The following FBXW11 variants were observed in gnomAD, a reference collection of about 807,000 sequenced individuals.
FBXW11 encodes the protein F-box/WD repeat-containing protein 11.
Under a neutral mutation model 77.6 loss-of-function variants are expected in FBXW11, and 19 were observed. The observed-to-expected ratio is 0.24, with a 90% CI of 0.17 to 0.36. FBXW11 has a LOEUF of 0.36. Ranked by LOEUF, FBXW11 falls within the 10% of genes least tolerant of loss-of-function variation. The probability of loss-of-function intolerance (pLI) is 1.00; values close to 1 mark genes in which losing one functional copy is unlikely to be tolerated. For synonymous variants in FBXW11, 235 were observed against 249.4 expected, an observed-to-expected ratio of 0.94 and a Z score of 0.54; for missense variants, 334 against 704.2, an observed-to-expected ratio of 0.47 and a Z score of 5.95.
chr5:171,875,850 G>A (rs1312206872), intron 9 of FBXW11, among the ~76,000 whole-genome samples: 2 of 152,020 alleles, frequency 1.3e-5, no homozygotes, highest in East Asian at 3.9e-4. Context: ...CTCAAAATTA[G>A]GTGAATAAAT....
chr5:171,877,945 G>T, intron 8 of FBXW11, 66 bp downstream of exon 8: 2 of 1,125,720 alleles, frequency 1.8e-6, no homozygotes, highest in Non-Finnish European at 2.7e-6. Flanking sequence ...CCCAGAGGAG[G>T]ATGTCAATCT....
At chr5:171,959,316 GAATAAAATAATGA>G (rs1389645794) in intron 1 of FBXW11, among the ~76,000 whole-genome samples, 1 of 151,880 alleles carries the variant, frequency 6.6e-6, no homozygotes, top group African/African-American at 2.4e-5. Context: ...AGAAGGTGCT[GAATAAAATAATGA>G]AATAAAATAA....
At chr5:171,870,076 G>A (rs765829689) in intron 11 of FBXW11, among the ~76,000 whole-genome samples, 3 of 152,080 alleles carry the variant, frequency 2.0e-5, no homozygotes, top group Admixed American at 6.6e-5. Context: ...ATTCAGTTCC[G>A]GACTTGATAA....
Position 172,006,444 on chromosome 5 carries a change from C to T in FBXW11, c.45+14G>A, listed in dbSNP as rs201538655. 8,945 of 1,543,876 alleles carry T rather than the reference C, an allele frequency of 5.8e-3. 35 individuals are homozygous for T. Among genetic ancestry groups the T allele is most frequent in the Non-Finnish European group, 6.5e-3 (7,457 of 1,144,814 alleles). On this transcript the variant is annotated intron_variant, in intron 1 of 13. Coordinates refer to ENST00000517395, the MANE Select transcript of FBXW11 (RefSeq NM_001378974.1). ...ACGGACGGAAGCACAGACGGTCCAG[C>T]GGGCCGCACTCACCATGAGCTCGAT...
At chr5:171,946,129 T>C in intron 2 of FBXW11, among the ~76,000 whole-genome samples, 1 of 152,168 alleles carries the variant, frequency 6.6e-6, no homozygotes, top group East Asian at 1.9e-4. Context: ...CAGAGAAGGA[T>C]AAATTTTGCC....
At chr5:171,875,827 C>T (rs73801495) in intron 9 of FBXW11, among the ~76,000 whole-genome samples, 3,839 of 152,156 alleles carry the variant, frequency 0.025, 179 homozygotes, top group African/African-American at 0.089. Context: ...CAGAGTCCAC[C>T]GCACTGCGAG....
intron 1 of FBXW11, among the ~76,000 whole-genome samples, chr5:171,966,895 C>G (rs552844429): frequency 6.6e-6 from 1 of 152,246 alleles, no homozygotes; most frequent in East Asian, 1.9e-4. Flanking sequence ...CTCATACCAC[C>G]TCTGGCCAAA....
intron 1 of FBXW11, among the ~76,000 whole-genome samples, chr5:171,988,423 C>T (rs1765558911): frequency 1.3e-5 from 2 of 152,076 alleles, no homozygotes; most frequent in Non-Finnish European, 2.9e-5. Context: ...GTAGCCAAAC[C>T]TGAGACAATC....
At chr5:171,919,082 C>T (rs1761427718) in intron 2 of FBXW11, among the ~76,000 whole-genome samples, 1 of 152,056 alleles carries the variant, frequency 6.6e-6, no homozygotes, top group Admixed American at 6.6e-5. Context: ...GGGTAATTCA[C>T]GAAGTATGTT....
intron 2 of FBXW11, among the ~76,000 whole-genome samples, chr5:171,945,350 T>C (rs1762954970): frequency 6.6e-6 from 1 of 152,156 alleles, no homozygotes; most frequent in Non-Finnish European, 1.5e-5. Context: ...CCTATGAAAA[T>C]AGTTTCTACT....
chr5:171,917,103 T>C (rs1761305845), intron 2 of FBXW11, among the ~76,000 whole-genome samples: 1 of 152,092 alleles, frequency 6.6e-6, no homozygotes, highest in Admixed American at 6.5e-5. Context: ...GTATTTTTAG[T>C]AGAGACAGGG....
intron 13 of FBXW11, among the ~76,000 whole-genome samples, chr5:171,864,328 A>G (rs1055671530): frequency 6.6e-6 from 1 of 152,230 alleles, no homozygotes; most frequent in African/African-American, 2.4e-5. Flanking sequence ...TGCTTCACAA[A>G]TAAGAGAACT....
intron 1 of FBXW11, among the ~76,000 whole-genome samples, chr5:171,968,955 C>T (rs1288129146): frequency 6.6e-6 from 1 of 152,124 alleles, no homozygotes; most frequent in East Asian, 1.9e-4. Context: ...AAGTTGACTA[C>T]GTTTTTAAAA....
At chr5:171,977,342 AAAAG>A in intron 1 of FBXW11, among the ~76,000 whole-genome samples, 1 of 152,124 alleles carries the variant, frequency 6.6e-6, no homozygotes, top group Non-Finnish European at 1.5e-5. Context: ...AAGAAAAGAA[AAAAG>A]AAAGAGGAAG....
intron 6 of FBXW11, among the ~76,000 whole-genome samples, chr5:171,898,464 T>C (rs924335664): frequency 1.3e-5 from 2 of 152,208 alleles, no homozygotes; most frequent in African/African-American, 4.8e-5. Flanking sequence ...CTCCAATGTT[T>C]CTCATCAAGT....
intron 2 of FBXW11, among the ~76,000 whole-genome samples, chr5:171,930,228 T>C (rs1762098092): frequency 6.6e-6 from 1 of 152,202 alleles, no homozygotes; most frequent in Non-Finnish European, 1.5e-5. Context: ...GATCAGTTTT[T>C]AGGAGAAAGG....
intron 2 of FBXW11, among the ~76,000 whole-genome samples, chr5:171,931,320 G>C (rs1212750912): frequency 6.6e-6 from 1 of 152,234 alleles, no homozygotes; most frequent in African/African-American, 2.4e-5. Context: ...GAAAGTGAAA[G>C]TGTGGTACTG....
Position 171,914,205 on chromosome 5 carries a change from G to A in FBXW11, c.210+138C>T. The A allele has an allele frequency of 4.5e-6, 3 of 672,992 alleles. No homozygotes were observed. The South Asian group carries it at 5.8e-5, about 13-fold the overall frequency. 41.7% of individuals were successfully genotyped at this position (672,992 alleles called of 1,614,324 possible). A position where few individuals can be genotyped will look rare whatever the true frequency, so the allele number is the denominator to read the frequency against. ...TCCCTATGGAATGAAGATAAATTAG[G>A]GTGGATTCTGAAACTAGCAAAACTG... On this transcript the variant is annotated intron_variant, in intron 3 of 13. Coordinates refer to ENST00000517395, the MANE Select transcript of FBXW11 (RefSeq NM_001378974.1).
chr5:171,944,404 T>C (rs889812768), intron 2 of FBXW11, among the ~76,000 whole-genome samples: 1 of 151,572 alleles, frequency 6.6e-6, no homozygotes, highest in Non-Finnish European at 1.5e-5. Context: ...TGAAACCCCA[T>C]CTCTACTAAA....
Sources: gnomAD v4.1 joint callset for allele counts (sites outside exome capture counted in the v4.1 genomes callset) on GRCh38, gnomAD v4.1.1 for gene constraint, MANE v1.5 for transcripts, NCBI Gene and HGNC (gene_info 2026-07-23, HGNC 2026-07-21) for gene names.